Variants in TTC39A observed in about 807,000 individuals in gnomAD.
TTC39A encodes the protein tetratricopeptide repeat protein 39A.
In TTC39A, 46 loss-of-function variants were observed where a neutral mutation model predicts 82.3. The ratio of observed to expected loss-of-function variants is 0.56; its 90% CI spans 0.44 to 0.71. TTC39A has a LOEUF of 0.71. TTC39A is among the 30% of genes least tolerant of loss of function. The pLI, the probability that TTC39A is intolerant of heterozygous loss-of-function variation, is 0.00. For missense variants in TTC39A, 543 were observed against 712.9 expected, an observed-to-expected ratio of 0.76 and a Z score of 2.71; for synonymous variants, 254 against 275.2, an observed-to-expected ratio of 0.92 and a Z score of 0.76.
intron 1 of TTC39A, among the ~76,000 whole-genome samples, chr1:51,342,242 C>T (rs1315418900): frequency 6.6e-6 from 1 of 152,164 alleles, no homozygotes; most frequent in Non-Finnish European, 1.5e-5. Context: ...CTACCCAATC[C>T]TGGTGCCTGG....
intron 1 of TTC39A, among the ~76,000 whole-genome samples, chr1:51,325,037 C>G (rs111544455): frequency 0.11 from 16,089 of 150,988 alleles, 923 homozygotes; most frequent in Middle Eastern, 0.15. Flanking sequence ...GGCGGATCAC[C>G]TGAGGTCAGG....
chr1:51,302,251 GCCCCCAGTCTATCCTGTCCCT>G, intron 11 of TTC39A, 85 bp downstream of exon 11: 2 of 511,156 alleles, frequency 3.9e-6, no homozygotes, highest in Non-Finnish European at 6.7e-6. Context: ...CCCCCCCCCC[GCCCCCAGTCTATCCTGTCCCT>G]GAGTATGTCA....
chr1:51,335,696 G>A (rs61782068), upstream of TTC39A, among the ~76,000 whole-genome samples: 7,091 of 152,090 alleles, frequency 0.047, 224 homozygotes, highest in East Asian at 0.12. Context: ...ACATCTAGCC[G>A]TAGCTCGAAC....
At chr1:51,295,967 C>A (rs759250058) in intron 13 of TTC39A, 112 bp downstream of exon 13, 6 of 1,230,350 alleles carry the variant, frequency 4.9e-6, no homozygotes, top group Non-Finnish European at 7.0e-6. Context: ...CAGGGAGCCA[C>A]CCTACTCCTC....
At position 51,302,379 on chromosome 1, in the gene TTC39A, A is replaced by C; in HGVS notation, c.869T>G (p.Val290Gly). 6.2e-7 allele frequency: 1 copy of C among 1,608,406 alleles called. No individual in the cohort carries two copies. The highest frequency in any genetic ancestry group is 8.5e-7 in the Non-Finnish European group (1 of 1,177,504). Residue 290 changes from valine to glycine, a missense_variant, in exon 11 of 18, where the codon GTC becomes GGC. Physicochemically the swap from Val to Gly is moderately radical, Grantham distance 109. Coordinates refer to ENST00000680483, the MANE Select transcript of TTC39A (RefSeq NM_001297663.2). ...IFLFFAGRIE[V>G]IKGNIDAAIR... The stretch of plus-strand genomic sequence containing the variant: ...CACTGCATCAATGTTGCCTTTAATG[A>C]CTTCAATCCTCCCTGCAAAGAACAG...
At chr1:51,311,025 G>A (rs1000658578) in intron 5 of TTC39A, among the ~76,000 whole-genome samples, 4 of 152,214 alleles carry the variant, frequency 2.6e-5, no homozygotes, top group African/African-American at 4.8e-5. Flanking sequence ...ACAGCATCCC[G>A]GTAATGGTGG....
At chr1:51,324,995 C>T (rs996062323) in intron 1 of TTC39A, among the ~76,000 whole-genome samples, 2 of 151,918 alleles carry the variant, frequency 1.3e-5, no homozygotes, top group African/African-American at 4.8e-5. Context: ...TGGCTCATGC[C>T]TGTAATCCCA....
intron 14 of TTC39A, among the ~76,000 whole-genome samples, chr1:51,292,521 C>T (rs1283832762): frequency 2.0e-5 from 3 of 152,066 alleles, no homozygotes; most frequent in African/African-American, 7.2e-5. Context: ...GCCTTGACCT[C>T]CTGGGCTCAA....
intron 2 of TTC39A, among the ~76,000 whole-genome samples, chr1:51,320,398 TTTTTTC>T (rs1184319072): frequency 1.9e-3 from 284 of 147,042 alleles, no homozygotes; most frequent in African/African-American, 4.8e-3. Flanking sequence ...TTTCTTTTCT[TTTTTTC>T]TTTTTCTTTT....
At position 51,301,563 on chromosome 1, in the gene TTC39A, T is replaced by A; in HGVS notation, c.1053+9A>T. On this transcript the variant is annotated intron_variant, in intron 12 of 17. Transcript: ENST00000680483. The stretch of plus-strand genomic sequence containing the variant: ...CACCCAATGCCCCTAACACGTGGCA[T>A]CAGCCCACCTTGGACCAGCAGTTCT... 1 of 1,595,238 alleles carries A rather than the reference T, an allele frequency of 6.3e-7. No individual in the cohort carries two copies. Among genetic ancestry groups the A allele is most frequent in the South Asian group, 1.1e-5 (1 of 88,796 alleles).
chr1:51,339,285 T>C (rs1646008470), intron 1 of TTC39A, among the ~76,000 whole-genome samples: 1 of 152,102 alleles, frequency 6.6e-6, no homozygotes. Context: ...AGTCCTAATA[T>C]AATTGTCCTT....
intron 2 of TTC39A, among the ~76,000 whole-genome samples, chr1:51,316,676 C>T (rs1645297710): frequency 6.6e-6 from 1 of 152,230 alleles, no homozygotes; most frequent in Non-Finnish European, 1.5e-5. Context: ...ATCCCTGCAA[C>T]ACCACCTGGC....
intron 6 of TTC39A, among the ~76,000 whole-genome samples, chr1:51,307,734 CAA>C (rs1216098958): frequency 0.085 from 6,381 of 75,236 alleles, 135 homozygotes; most frequent in African/African-American, 0.1. Context: ...GACTCTGTCT[CAA>C]AAAAAAAAAA....
At position 51,294,176 on chromosome 1, in the gene TTC39A, A is replaced by G. The variant is rs1359881445; in HGVS notation, c.1266+215T>C. On this transcript the variant is annotated intron_variant, in intron 14 of 17. Coordinates refer to ENST00000680483, the MANE Select transcript of TTC39A (RefSeq NM_001297663.2). This position sits in a 1 kb window ranked among gnomAD's most constrained non-coding sequence, Gnocchi z 4.3. ...AGGAGGGTGTCCCTCTCTGCCTTTT[A>G]TCTGCAGCCTGCCTGTCTCTCCACT... is the stretch of plus-strand genomic sequence containing the variant. Among the ~76,000 whole-genome samples, 2 of 152,110 alleles carry G rather than the reference A, an allele frequency of 1.3e-5. No individual in the cohort carries two copies. Among genetic ancestry groups the G allele is most frequent in the East Asian group, 1.9e-4 (1 of 5,188 alleles).
intron 5 of TTC39A, among the ~76,000 whole-genome samples, chr1:51,309,749 C>T (rs557650940): frequency 3.3e-5 from 5 of 152,110 alleles, no homozygotes; most frequent in Admixed American, 2.0e-4. Flanking sequence ...CCAACGGAAA[C>T]GGATGGACAA....
At chr1:51,296,004 G>T in intron 13 of TTC39A, 75 bp downstream of exon 13, 1 of 1,494,880 alleles carries the variant, frequency 6.7e-7, no homozygotes, top group African/African-American at 1.4e-5. Context: ...AGCTCAGGGT[G>T]GCCTGGCTGG....
intron 6 of TTC39A, among the ~76,000 whole-genome samples, chr1:51,308,762 A>C (rs186483020): frequency 6.6e-6 from 1 of 152,288 alleles, no homozygotes; most frequent in African/African-American, 2.4e-5. Context: ...TTTGGCCTGC[A>C]GAGAGCACGT....
intron 11 of TTC39A, chr1:51,302,135 A>T: frequency 1.4e-6 from 1 of 733,096 alleles, no homozygotes; most frequent in Non-Finnish European, 2.5e-6. Flanking sequence ...TATATCTCCC[A>T]GTCAAAATCC....
At chr1:51,303,047 C>T (rs749886189) in intron 9 of TTC39A, 37 bp downstream of exon 9, 7 of 1,546,900 alleles carry the variant, frequency 4.5e-6, no homozygotes, top group Admixed American at 3.9e-5. Flanking sequence ...TTGGAGACGA[C>T]CAAACCCCAG....
Sources: gnomAD v4.1 joint callset for allele counts (sites outside exome capture counted in the v4.1 genomes callset) on GRCh38, gnomAD v4.1.1 for gene constraint, Gnocchi (gnomAD v3.1) non-coding constraint, MANE v1.5 for transcripts, NCBI Gene and HGNC (gene_info 2026-07-23, HGNC 2026-07-21) for gene names.